Variants in KLHL1 observed in about 807,000 individuals in gnomAD.
The protein encoded by KLHL1 is kelch like family member 1, also known as kelch-like protein 1.
In KLHL1, 47 loss-of-function variants were observed where a neutral mutation model predicts 77.7. The observed-to-expected ratio is 0.60, with a 90% CI of 0.48 to 0.77. The LOEUF is 0.77. KLHL1 is among the 30% of genes least tolerant of loss of function. KLHL1 has a pLI of 0.00. For synonymous variants in KLHL1, 360 were observed against 325.2 expected (o/e 1.11, Z -1.15); for missense variants, 925 against 910.8 (o/e 1.02, Z -0.20).
At chr13:69,978,415 G>A (rs536102517) in intron 1 of KLHL1, among the ~76,000 whole-genome samples, 1 of 151,560 alleles carries the variant, frequency 6.6e-6, no homozygotes, top group Non-Finnish European at 1.5e-5. Flanking sequence ...TTTAAATAGG[G>A]TTTGGGATAA....
chr13:69,750,079 T>C (rs1000210134), intron 7 of KLHL1, among the ~76,000 whole-genome samples: 1 of 151,550 alleles, frequency 6.6e-6, no homozygotes, highest in African/African-American at 2.4e-5. Flanking sequence ...TTAATAATAA[T>C]GTATTTAAAT....
chr13:69,797,178 T>A (rs183040417), intron 6 of KLHL1, among the ~76,000 whole-genome samples: 4 of 152,352 alleles, frequency 2.6e-5, no homozygotes, highest in Non-Finnish European at 2.9e-5. Context: ...ATGTTCACCT[T>A]GTTCGAATTA....
At chr13:69,955,950 ATATATTTGATATT>A (rs1262018552) in intron 3 of KLHL1, among the ~76,000 whole-genome samples, 5 of 131,468 alleles carry the variant, frequency 3.8e-5, no homozygotes, top group East Asian at 2.3e-4. Flanking sequence ...ATATTTATAT[ATATATTTGATATT>A]TATATATTTG....
chr13:69,742,202 T>A (rs1489736464), intron 7 of KLHL1, among the ~76,000 whole-genome samples: 1 of 152,188 alleles, frequency 6.6e-6, no homozygotes, highest in East Asian at 1.9e-4. Context: ...GAACTATAAT[T>A]TATAATGGAC....
At chr13:70,105,209 T>C (rs940435521) in intron 1 of KLHL1, among the ~76,000 whole-genome samples, 4 of 152,060 alleles carry the variant, frequency 2.6e-5, no homozygotes, top group Admixed American at 6.5e-5. Flanking sequence ...CACTCACAAC[T>C]CTTTGTGAAT....
intron 1 of KLHL1, among the ~76,000 whole-genome samples, chr13:69,981,292 G>A (rs965289128): frequency 3.9e-5 from 6 of 151,968 alleles, no homozygotes; most frequent in African/African-American, 1.4e-4. Context: ...TATATTAATT[G>A]CAAACAAGAA....
intron 4 of KLHL1, among the ~76,000 whole-genome samples, chr13:69,907,708 T>C (rs1158866878): frequency 6.6e-6 from 1 of 151,944 alleles, no homozygotes; most frequent in African/African-American, 2.4e-5. Flanking sequence ...AGGGTTTTGG[T>C]GGACTTGCAA....
chr13:70,024,618 A>ATTTCTCTCTCTCTCTCTC (rs1555291444), intron 1 of KLHL1, among the ~76,000 whole-genome samples: 2 of 62,668 alleles, frequency 3.2e-5, no homozygotes, highest in South Asian at 1.7e-3. Context: ...AGGAGAAAAG[A>ATTTCTCTCTCTCTCTCTC]TTTCTCTCTC....
chr13:69,808,512 A>G (rs1323285145), intron 6 of KLHL1, among the ~76,000 whole-genome samples: 1 of 152,112 alleles, frequency 6.6e-6, no homozygotes, highest in Non-Finnish European at 1.5e-5. Context: ...GAAACACCAT[A>G]TACGCCACAG....
intron 9 of KLHL1, among the ~76,000 whole-genome samples, chr13:69,710,776 A>T (rs1016010000): frequency 1.3e-5 from 2 of 151,892 alleles, no homozygotes; most frequent in Admixed American, 1.3e-4. Context: ...CTAAGCAGCC[A>T]TTTTTTGCCT....
intron 1 of KLHL1, among the ~76,000 whole-genome samples, chr13:70,038,802 G>C (rs1294105497): frequency 2.0e-5 from 3 of 151,738 alleles, no homozygotes; most frequent in Admixed American, 1.3e-4. Flanking sequence ...CGTTGGCCAG[G>C]CTGGTCTCAA....
intron 3 of KLHL1, 92 bp downstream of exon 3, chr13:69,961,216 T>C (rs1418249470): frequency 4.7e-6 from 5 of 1,054,840 alleles, no homozygotes; most frequent in Non-Finnish European, 6.7e-6. Context: ...GAATACAGAA[T>C]TTTTTTTAAA....
chr13:69,912,595 C>T (rs1333023258), intron 4 of KLHL1, among the ~76,000 whole-genome samples: 3 of 152,080 alleles, frequency 2.0e-5, no homozygotes, highest in South Asian at 4.1e-4. Context: ...GATTTCCCCA[C>T]ATTATTTCCA....
At chr13:69,738,184 CAGAA>C (rs1873842508) in intron 8 of KLHL1, among the ~76,000 whole-genome samples, 1 of 152,094 alleles carries the variant, frequency 6.6e-6, no homozygotes, top group Admixed American at 6.6e-5. Context: ...GAAAAACAAA[CAGAA>C]AGCAACAACG....
chr13:69,852,833 T>A (rs915831643), intron 5 of KLHL1, among the ~76,000 whole-genome samples: 2 of 151,998 alleles, frequency 1.3e-5, no homozygotes, highest in African/African-American at 4.8e-5. Flanking sequence ...AAATGAGTTG[T>A]TCAAACATCT....
intron 1 of KLHL1, among the ~76,000 whole-genome samples, chr13:70,057,548 G>A (rs1211277020): frequency 4.0e-5 from 6 of 148,402 alleles, no homozygotes; most frequent in Admixed American, 6.7e-5. Flanking sequence ...AGGCCGAGGC[G>A]GGTGGATCAT....
At chr13:69,855,343 G>GATCT (rs1169051556) in intron 5 of KLHL1, among the ~76,000 whole-genome samples, 830 of 78,860 alleles carry the variant, frequency 0.011, 10 homozygotes, top group African/African-American at 0.03. Context: ...TAGATAGATA[G>GATCT]ATAGACAGAC....
At chr13:70,038,647 A>G (rs533713180) in intron 1 of KLHL1, among the ~76,000 whole-genome samples, 127 of 124,502 alleles carry the variant, frequency 1.0e-3, no homozygotes, top group Non-Finnish European at 1.9e-3. Flanking sequence ...GGAGTGTGCA[A>G]TGATGCGATC....
At chr13:70,014,771 G>A (rs1775393021) in intron 1 of KLHL1, among the ~76,000 whole-genome samples, 1 of 152,042 alleles carries the variant, frequency 6.6e-6, no homozygotes, top group Non-Finnish European at 1.5e-5. Context: ...GAGCTTCTAG[G>A]GATGAAACAT....
Sources: allele counts gnomAD v4.1 joint callset (sites outside exome capture counted in the v4.1 genomes callset), GRCh38; gene constraint gnomAD v4.1.1; transcripts MANE v1.5; gene names NCBI Gene and HGNC (gene_info 2026-07-23, HGNC 2026-07-21).